The following TSC1 variants were observed in gnomAD, a reference collection of about 807,000 sequenced individuals.
TSC1 encodes TSC complex subunit 1, also known as hamartin.
TSC1 carries 20 observed loss-of-function variants against 124.3 expected under a neutral mutation model. That is an observed-to-expected ratio of 0.16 (90% CI 0.11 to 0.23). The LOEUF (loss-of-function observed/expected upper bound fraction) is 0.23. Among genes scored for constraint, TSC1 ranks in the 10% least tolerant of loss-of-function variants. TSC1 has a pLI of 1.00. For missense variants in TSC1, 1,124 were observed against 1,448.5 expected, an observed-to-expected ratio of 0.78 and a Z score of 3.64; for synonymous variants, 493 against 539.1, an observed-to-expected ratio of 0.91 and a Z score of 1.19.
At chr9:132,913,347 C>G (rs541776104) in intron 8 of TSC1, among the ~76,000 whole-genome samples, 9 of 152,326 alleles carry the variant, frequency 5.9e-5, no homozygotes, top group African/African-American at 1.9e-4. Context: ...AAGAACATGT[C>G]CATCACCCCA....
intron 8 of TSC1, among the ~76,000 whole-genome samples, chr9:132,913,895 T>TG (rs201931461): frequency 1.5e-4 from 10 of 67,094 alleles, no homozygotes; most frequent in Non-Finnish European, 1.7e-4. Flanking sequence ...TGTTTTGTTT[T>TG]TTTTTTTTTT....
At chr9:132,929,768 C>T (rs1847107385) in intron 2 of TSC1, among the ~76,000 whole-genome samples, 1 of 152,180 alleles carries the variant, frequency 6.6e-6, no homozygotes, top group Non-Finnish European at 1.5e-5. Context: ...GTATATACTC[C>T]TAATATGACC....
At position 132,905,634 on chromosome 9, in the gene TSC1, C is replaced by A. The variant is rs1554815720; in HGVS notation, c.1944G>T (p.Val648=). 1 of 1,614,230 alleles carries A rather than the reference C, an allele frequency of 6.2e-7. No homozygotes were observed. The highest frequency in any genetic ancestry group is 8.5e-7 in the Non-Finnish European group (1 of 1,180,036). The change falls in exon 15 of 23, where the codon GTG becomes GTT. Residue 648 remains valine (V), a synonymous_variant. Transcript: ENST00000298552. ...CTCCCTGCTGTATCAGTCTGTCCAG[C>A]ACTTCCATTGGGGAGGTAGAGGGCA... ...DGVPSTSPME[V]LDRLIQQGAD... is the part of the protein sequence containing the mutation.
rs1845494587 is a variant in TSC1, at chr9:132,903,677, C to T, written c.2182G>A (p.Ala728Thr). 1 of 1,612,614 alleles carries T rather than the reference C, an allele frequency of 6.2e-7. No individual in the cohort carries two copies. The highest frequency in any genetic ancestry group is 1.7e-5 in the Admixed American group (1 of 60,028). ...RLLRKVIKAA[A>T]LEEHNAAMKD... ...ATGGCAGCATTATGTTCCTCCAGAG[C>T]TGCTGCTTTGATCACCTTGCGGAGG... Residue 728 changes from alanine (A) to threonine (T), a missense_variant, in exon 17 of 23, where the codon GCT becomes ACT. Around this residue, in one of 5 missense-constraint regions of TSC1, gnomAD observed 321 missense variants for 397.4 expected, o/e 0.81. Coordinates refer to ENST00000298552, the MANE Select transcript of TSC1 (RefSeq NM_000368.5). This position sits in a 1 kb window ranked among gnomAD's most constrained non-coding sequence, Gnocchi z 5.9.
Position 132,918,916 on chromosome 9 carries a change from G to A in TSC1, c.737+2447C>T, listed in dbSNP as rs118154767. 3.4e-3 allele frequency among the ~76,000 whole-genome samples: 517 copies of A among 152,260 alleles called. 1 individual carries two copies. The highest frequency in any genetic ancestry group is 5.2e-3 in the Admixed American group (79 of 15,294). On this transcript the variant is annotated intron_variant, in intron 8 of 22. Coordinates refer to ENST00000298552, the MANE Select transcript of TSC1 (RefSeq NM_000368.5). ...AGAATAACACAAAACCGAAAAGAAG[G>A]AAGCTTAGAAGAAACAGATTATGCA...
In TSC1 at chr9:132,896,817, TG is replaced by T; in HGVS notation, c.2976-64del. The T allele has an allele frequency of 3.7e-6, 6 of 1,611,572 alleles. No individual in the cohort carries two copies. Among genetic ancestry groups the T allele is most frequent in the Non-Finnish European group, 4.2e-6 (5 of 1,178,814 alleles). On this transcript the variant is annotated intron_variant, in intron 22 of 22. Transcript: ENST00000298552. The surrounding 1 kb of genome is among the most constrained non-coding windows in gnomAD (Gnocchi z 4.5). ...TTGGACTGTCCACATTCGGAGGATGTGGAATTACACTGACACTCACTCACAC... is the reference window on the plus strand; with the variant it reads ...TTGGACTGTCCACATTCGGAGGATGTGAATTACACTGACACTCACTCACAC...
chr9:132,931,040 A>G (rs536205957), intron 2 of TSC1, among the ~76,000 whole-genome samples: 7 of 152,238 alleles, frequency 4.6e-5, no homozygotes, highest in African/African-American at 1.7e-4. Flanking sequence ...TTGGGCCACC[A>G]CTTTCAAGAT....
chr9:132,896,333 G>A lies in TSC1; in HGVS notation c.3397C>T (p.Leu1133=), dbSNP rs1244090738. ...GACGGGTGAGGGCCATCTAGGTTCA[G>A]GGGAATCTTGGCTTCCACACCCAAG... The part of the protein sequence containing the change: ...KDLGVEAKIP[L]NLDGPHPSPP... The change falls in exon 23 of 23, where the codon CTG becomes TTG. Residue 1133 remains leucine (L), a synonymous_variant. Coordinates refer to ENST00000298552, the MANE Select transcript of TSC1 (RefSeq NM_000368.5). This position sits in a 1 kb window ranked among gnomAD's most constrained non-coding sequence, Gnocchi z 4.5. 5.0e-6 allele frequency: 8 copies of A among 1,614,092 alleles called. No homozygotes were observed. In the African/African-American group the frequency reaches 9.3e-5, roughly 19 times the overall value.
intron 2 of TSC1, among the ~76,000 whole-genome samples, chr9:132,929,511 G>A (rs1312136737): frequency 6.6e-6 from 1 of 152,124 alleles, no homozygotes; most frequent in Non-Finnish European, 1.5e-5. Context: ...AATACCACTG[G>A]CTACAGGGAG....
Position 132,927,281 on chromosome 9 carries a change from T to C in TSC1, c.130A>G (p.Thr44Ala), listed in dbSNP as rs1399266964. Reference protein sequence around the residue: ...NSDRGPMLVNTLVDYYLETSS... With the variant: ...NSDRGPMLVNALVDYYLETSS... ...GTTTCCAGGTAATAATCCACCAAGG[T>C]GTTTACAAGCATAGGGCCACGGTCT... Residue 44 changes from threonine to alanine, a missense_variant, in exon 4 of 23, where the codon ACC becomes GCC. Transcript: ENST00000298552. 2.5e-6 allele frequency: 4 copies of C among 1,613,826 alleles called. No homozygotes were observed. The highest frequency in any genetic ancestry group is 3.4e-6 in the Non-Finnish European group (4 of 1,179,926).
chr9:132,915,072 G>A (rs1278811094), intron 8 of TSC1, among the ~76,000 whole-genome samples: 1 of 151,870 alleles, frequency 6.6e-6, no homozygotes, highest in Non-Finnish European at 1.5e-5. Flanking sequence ...TCATGGTCCA[G>A]CCACTCAGGA....
In TSC1 at chr9:132,896,199, A is replaced by G. The variant is rs746666326; in HGVS notation, c.*36T>C. The G allele has an allele frequency of 1.9e-6, 3 of 1,614,076 alleles. No individual in the cohort carries two copies. The highest frequency in any genetic ancestry group is 4.5e-5 in the East Asian group (2 of 44,890). On this transcript the variant is annotated 3_prime_UTR_variant, in exon 23 of 23. Coordinates refer to ENST00000298552, the MANE Select transcript of TSC1 (RefSeq NM_000368.5). The surrounding 1 kb of genome is among the most constrained non-coding windows in gnomAD (Gnocchi z 4.5). Reference sequence around the variant, plus strand: ...CATTCACACCTCCTGTTCTGTGCCAACAATATGCAAGTTAACACTGATTGA... The same window carrying G: ...CATTCACACCTCCTGTTCTGTGCCAGCAATATGCAAGTTAACACTGATTGA...
chr9:132,921,557 A>G lies in TSC1; in HGVS notation c.664-121T>C, dbSNP rs557845762. The G allele has an allele frequency of 8.4e-7, 1 of 1,189,410 alleles. No individual in the cohort carries two copies. The highest frequency in any genetic ancestry group is 1.5e-5 in the African/African-American group (1 of 66,008). The allele number at this position is 1,189,410 out of a possible 1,614,324, so 73.7% of individuals were successfully genotyped here. ...TGATACATGTTATAACACAGATGGA[A>G]CCTTGAGAACATTATACTGAGTGAA... On this transcript the variant is annotated intron_variant, in intron 7 of 22. Coordinates refer to ENST00000298552, the MANE Select transcript of TSC1 (RefSeq NM_000368.5). This position sits in a 1 kb window ranked among gnomAD's most constrained non-coding sequence, Gnocchi z 4.3.
At chr9:132,905,485 G>T in intron 15 of TSC1, 96 bp downstream of exon 15, 1 of 1,550,578 alleles carries the variant, frequency 6.4e-7, no homozygotes, top group Non-Finnish European at 8.9e-7. Context: ...CTCAAGGTGG[G>T]AGTGTGAAGA....
intron 2 of TSC1, among the ~76,000 whole-genome samples, chr9:132,932,603 G>GA (rs1458670024): frequency 4.6e-5 from 7 of 152,162 alleles, no homozygotes; most frequent in African/African-American, 1.4e-4. Context: ...TGGAACTTAT[G>GA]AAACTCATGA....
chr9:132,939,073 C>T (rs1214804319), intron 1 of TSC1: 1 of 152,160 alleles, frequency 6.6e-6, no homozygotes, highest in East Asian at 1.9e-4. Flanking sequence ...GACACAGGTC[C>T]AGGCATGGAT....
intron 5 of TSC1, among the ~76,000 whole-genome samples, chr9:132,924,529 C>T (rs1846745796): frequency 6.6e-6 from 1 of 152,128 alleles, no homozygotes; most frequent in Non-Finnish European, 1.5e-5. Flanking sequence ...ATTAACAAAA[C>T]GTACTCTTTT....
chr9:132,904,295 G>A (rs1588305556), intron 16 of TSC1, 116 bp downstream of exon 16: 2 of 1,150,580 alleles, frequency 1.7e-6, no homozygotes, highest in Non-Finnish European at 2.6e-6. Context: ...AGCCTGGCCG[G>A]AGCAATAGCC....
rs937122108 is a variant in TSC1, at chr9:132,922,910, A to T, written c.508+438T>A. 2.0e-5 allele frequency among the ~76,000 whole-genome samples: 3 copies of T among 152,156 alleles called. No homozygotes were observed. The South Asian group carries it at 6.2e-4, about 32-fold the overall frequency. ...CACTGCATTTGAAGCTGGAGTGCTA[A>T]TCAGGACACACCGCATTTCCCTCTG... On this transcript the variant is annotated intron_variant, in intron 6 of 22. Transcript: ENST00000298552.
Sources: allele counts gnomAD v4.1 joint callset (sites outside exome capture counted in the v4.1 genomes callset), GRCh38; gene constraint gnomAD v4.1.1; regional missense constraint gnomAD v4.1.1; non-coding constraint Gnocchi (gnomAD v3.1); transcripts MANE v1.5; gene names NCBI Gene and HGNC (gene_info 2026-07-23, HGNC 2026-07-21).